Variants in SCD5 observed in about 807,000 individuals in gnomAD.
SCD5 encodes acyl-CoA-desaturase 4.
In SCD5, 20 loss-of-function variants were observed where a neutral mutation model predicts 30.4. The observed-to-expected ratio is 0.66, with a 90% CI of 0.46 to 0.96. The LOEUF is 0.96. Ranked by LOEUF, SCD5 falls within the 40% of genes least tolerant of loss-of-function variation. SCD5 has a pLI of 0.00. For synonymous variants in SCD5, 173 were observed against 176.4 expected (o/e 0.98, Z 0.16); for missense variants, 381 against 443.3 (o/e 0.86, Z 1.26).
intron 3 of SCD5, among the ~76,000 whole-genome samples, chr4:82,646,457 G>A (rs897726400): frequency 3.3e-5 from 5 of 152,122 alleles, no homozygotes; most frequent in Non-Finnish European, 5.9e-5. Flanking sequence ...GAGTGTCGCC[G>A]AAAATCTTCC....
intron 2 of SCD5, chr4:82,692,250 T>C (rs7662244): frequency 0.8 from 123,724 of 154,684 alleles, 49,722 homozygotes; most frequent in South Asian, 0.85. Context: ...ACCACTGCCA[T>C]GGGTCCTGAG....
intron 3 of SCD5, among the ~76,000 whole-genome samples, chr4:82,643,245 G>GC (rs148899356): frequency 0.24 from 36,291 of 152,074 alleles, 4,503 homozygotes; most frequent in East Asian, 0.36. Flanking sequence ...ATATGACCCA[G>GC]ATTTTCACTC....
Position 82,702,130 on chromosome 4 carries a change from C to CTT in SCD5, c.363+3151_363+3152dup, listed in dbSNP as rs10701664. Among the ~76,000 whole-genome samples, 421 of 64,074 alleles carry CTT rather than the reference C, an allele frequency of 6.6e-3. 50 individuals carry two copies. The highest frequency in any genetic ancestry group is 0.021 in the African/African-American group (381 of 17,790). The allele number at this position is 64,074 out of a possible 152,430, so 42.0% of individuals were successfully genotyped here. On this transcript the variant is annotated intron_variant, in intron 2 of 4. Transcript: ENST00000319540. Reference sequence around the variant, plus strand: ...TCAGGCATTCCTGCCCCATCATCATCTTTTTTTTTTTTTTTTTTTTTTTTT... The same window carrying CTT: ...TCAGGCATTCCTGCCCCATCATCATCTTTTTTTTTTTTTTTTTTTTTTTTTTT...
intron 3 of SCD5, among the ~76,000 whole-genome samples, chr4:82,672,122 C>T (rs896871000): frequency 7.9e-5 from 12 of 151,908 alleles, no homozygotes; most frequent in Admixed American, 2.6e-4. Context: ...AATCAATTAA[C>T]TAAGCTTCCA....
At position 82,691,566 on chromosome 4, in the gene SCD5, G is replaced by A. The variant is rs373009792; in HGVS notation, c.364-10654C>T. Among the ~76,000 whole-genome samples the A allele has an allele frequency of 3.3e-5, 5 of 151,722 alleles. 1 individual carries two copies. Among genetic ancestry groups the A allele is most frequent in the African/African-American group, 1.2e-4 (5 of 41,412 alleles). On this transcript the variant is annotated intron_variant, in intron 2 of 4. Coordinates refer to ENST00000319540, the MANE Select transcript of SCD5 (RefSeq NM_001037582.3). ...TTTGTGCCTGGTTCTTGGCACAGAG[G>A]TTTAAAAACCCTTGGAATTTCCTGA...
At chr4:82,655,796 A>G (rs996982676) in intron 3 of SCD5, among the ~76,000 whole-genome samples, 1 of 152,198 alleles carries the variant, frequency 6.6e-6, no homozygotes, top group African/African-American at 2.4e-5. Flanking sequence ...TATCATCATT[A>G]CCCTCTGGGC....
At chr4:82,656,097 T>TTTA (rs918218134) in intron 3 of SCD5, among the ~76,000 whole-genome samples, 178 of 151,682 alleles carry the variant, frequency 1.2e-3, no homozygotes, top group African/African-American at 3.1e-3. Context: ...ACTTATATAT[T>TTTA]TTATTATTAT....
chr4:82,731,875 C>A (rs192914873), intron 1 of SCD5, among the ~76,000 whole-genome samples: 3 of 152,182 alleles, frequency 2.0e-5, no homozygotes, highest in Non-Finnish European at 4.4e-5. Context: ...ACTTTTCTCT[C>A]ATTTATACAC....
chr4:82,662,104 T>C (rs1728024074), intron 3 of SCD5, among the ~76,000 whole-genome samples: 1 of 152,210 alleles, frequency 6.6e-6, no homozygotes, highest in Non-Finnish European at 1.5e-5. Context: ...TCACTCAGGC[T>C]GCAGTGCAGT....
At chr4:82,772,692 G>A (rs1356254955) in intron 1 of SCD5, among the ~76,000 whole-genome samples, 1 of 152,186 alleles carries the variant, frequency 6.6e-6, no homozygotes, top group Non-Finnish European at 1.5e-5. Flanking sequence ...CCCGTGACAA[G>A]AGCAGAAGCA....
intron 3 of SCD5, chr4:82,660,754 T>C: frequency 6.5e-7 from 1 of 1,529,410 alleles, no homozygotes; most frequent in Non-Finnish European, 8.8e-7. Context: ...AACCTAATGT[T>C]AGCACAGACT....
At chr4:82,680,281 G>A (rs1373207435) in intron 3 of SCD5, among the ~76,000 whole-genome samples, 2 of 152,166 alleles carry the variant, frequency 1.3e-5, no homozygotes, top group Non-Finnish European at 2.9e-5. Flanking sequence ...CACTACAAGA[G>A]AATTTCAGGA....
chr4:82,671,684 C>T (rs920975409), intron 3 of SCD5, among the ~76,000 whole-genome samples: 3 of 152,152 alleles, frequency 2.0e-5, no homozygotes, highest in Admixed American at 2.0e-4. Flanking sequence ...TCGAAACCAG[C>T]CTAGACAACA....
chr4:82,745,996 T>A (rs960634463), intron 1 of SCD5, among the ~76,000 whole-genome samples: 1 of 152,206 alleles, frequency 6.6e-6, no homozygotes, highest in African/African-American at 2.4e-5. Context: ...GTCTACTAGG[T>A]TGTTCTAAAA....
intron 1 of SCD5, among the ~76,000 whole-genome samples, chr4:82,738,398 G>A (rs1463935161): frequency 2.0e-5 from 3 of 152,198 alleles, no homozygotes; most frequent in Non-Finnish European, 2.9e-5. Context: ...CTCCAGCCTG[G>A]CAACAGAGTG....
At chr4:82,758,968 C>T (rs1191818410) in intron 1 of SCD5, among the ~76,000 whole-genome samples, 1 of 152,242 alleles carries the variant, frequency 6.6e-6, no homozygotes, top group Non-Finnish European at 1.5e-5. Flanking sequence ...CTGAGGCACA[C>T]CCTGACTCAA....
intron 1 of SCD5, among the ~76,000 whole-genome samples, chr4:82,743,064 C>T (rs945556126): frequency 4.6e-5 from 7 of 152,146 alleles, no homozygotes; most frequent in Admixed American, 4.6e-4. Flanking sequence ...TCCACTGAGA[C>T]TCCCAGTTGG....
intron 1 of SCD5, among the ~76,000 whole-genome samples, chr4:82,796,406 G>A (rs563422782): frequency 5.9e-5 from 9 of 152,286 alleles, no homozygotes; most frequent in Admixed American, 5.2e-4. Context: ...CTCTAAGGAA[G>A]CTAGAGGACA....
At chr4:82,695,246 C>T (rs886680426) in intron 2 of SCD5, among the ~76,000 whole-genome samples, 1 of 149,726 alleles carries the variant, frequency 6.7e-6, no homozygotes, top group East Asian at 1.9e-4. Flanking sequence ...AATGCTAAGC[C>T]ACTGAAATAT....
Sources: gnomAD v4.1 joint callset for allele counts (sites outside exome capture counted in the v4.1 genomes callset) on GRCh38, gnomAD v4.1.1 for gene constraint, MANE v1.5 for transcripts, NCBI Gene and HGNC (gene_info 2026-07-23, HGNC 2026-07-21) for gene names.